Variants in BPTF observed in about 807,000 individuals in gnomAD.
The protein encoded by BPTF is bromodomain PHD finger transcription factor, also known as nucleosome-remodeling factor subunit BPTF.
Under a neutral mutation model 292.5 loss-of-function variants are expected in BPTF, and 18 were observed. The observed-to-expected ratio is 0.06, with a 90% CI of 0.04 to 0.09. The LOEUF is 0.09. Among genes scored for constraint, BPTF ranks in the 10% least tolerant of loss-of-function variants. The pLI, the probability that BPTF is intolerant of heterozygous loss-of-function variation, is 1.00. For synonymous variants in BPTF, 1,225 were observed against 1,251.9 expected, an observed-to-expected ratio of 0.98 and a Z score of 0.45; for missense variants, 2,726 against 3,498.7, an observed-to-expected ratio of 0.78 and a Z score of 5.57.
At chr17:67,848,683 TC>T (rs1468151081) in intron 1 of BPTF, among the ~76,000 whole-genome samples, 1 of 152,204 alleles carries the variant, frequency 6.6e-6, no homozygotes, top group East Asian at 1.9e-4. Context: ...GACCAGTTCA[TC>T]CGAACAGTTC....
chr17:67,899,486 A>G (rs2061672879), intron 7 of BPTF, among the ~76,000 whole-genome samples: 1 of 151,332 alleles, frequency 6.6e-6, no homozygotes, highest in Non-Finnish European at 1.5e-5. Flanking sequence ...GATAGTAACA[A>G]TACTGCTCTA....
In BPTF at chr17:67,948,125, T is replaced by C; in HGVS notation, c.7745T>C (p.Ile2582Thr). The C allele has an allele frequency of 6.2e-7, 1 of 1,614,112 alleles. No individual in the cohort carries two copies. The highest frequency in any genetic ancestry group is 1.7e-5 in the Admixed American group (1 of 60,010). Reference sequence around the variant, plus strand: ...GTGATGAAGTATATTTTGGATAAGATAGATAAAGAAGAAAAACAGGCAGCA... The same window carrying C: ...GTGATGAAGTATATTTTGGATAAGACAGATAAAGAAGAAAAACAGGCAGCA... The part of the protein sequence containing the change: ...NQVMKYILDK[I>T]DKEEKQAAKK... The change falls in exon 23 of 28, where the codon ATA becomes ACA. Residue 2582 changes from isoleucine (I) to threonine (T), a missense_variant. Ile to Thr is a moderately conservative substitution (Grantham distance 89). This residue lies in a region of BPTF where 26 missense variants were observed against 60.6 expected (regional missense o/e 0.43). Coordinates refer to ENST00000306378, the MANE Select transcript of BPTF (RefSeq NM_182641.4).
In BPTF at chr17:67,959,417, ACT is replaced by A. The variant is rs1304497995; in HGVS notation, c.7927-120_7927-119del. On this transcript the variant is annotated intron_variant, in intron 23 of 27. Transcript: ENST00000306378. ...AAACTCTTGTTTGCAACTAACTAAA[ACT>A]CTCACGTTAGGCTGAACTGTGGAGC... is the stretch of plus-strand genomic sequence containing the variant. 121 of 693,332 alleles carry A rather than the reference ACT, an allele frequency of 1.7e-4. 1 individual carries two copies. Among genetic ancestry groups the A allele is most frequent in the Non-Finnish European group, 2.5e-4 (114 of 453,200 alleles). The allele number at this position is 693,332 out of a possible 1,614,324, so 42.9% of individuals were successfully genotyped here.
intron 23 of BPTF, chr17:67,956,595 G>C (rs1555681150): frequency 6.6e-6 from 1 of 151,244 alleles, no homozygotes; most frequent in African/African-American, 2.4e-5. Context: ...TGGGATTACA[G>C]GTGTGAGCCA....
rs181263253 is a variant in BPTF, at chr17:67,852,754, G to A, written c.614-1186G>A. Among the ~76,000 whole-genome samples the A allele has an allele frequency of 7.9e-5, 12 of 152,328 alleles. No homozygotes were observed. In the East Asian group the frequency reaches 2.3e-3, roughly 29 times the overall value. Reference sequence around the variant, plus strand: ...ACTACAGGATAAGTTCCAGGAGGTGGAATTACAGGGTCAAAGGGACATACA... The same window carrying A: ...ACTACAGGATAAGTTCCAGGAGGTGAAATTACAGGGTCAAAGGGACATACA... On this transcript the variant is annotated intron_variant, in intron 1 of 27. Coordinates refer to ENST00000306378, the MANE Select transcript of BPTF (RefSeq NM_182641.4).
rs1010423532 is a variant in BPTF, at chr17:67,874,818, A to G, written c.1662A>G (p.Glu554=). ...TTTTGTTTGTTTTACACATTATAGA[A>G]GAAATTTTGGAATCCATAAGAGCCA... The part of the protein sequence containing the change: ...SNKSFLAAAN[E]EILESIRAKK... The change falls in exon 4 of 28, where the codon GAA becomes GAG. Residue 554 remains glutamate, a splice_region_variant and synonymous_variant. Transcript: ENST00000306378. 2 of 1,603,178 alleles carry G rather than the reference A, an allele frequency of 1.2e-6. No individual in the cohort carries two copies. Among genetic ancestry groups the G allele is most frequent in the African/African-American group, 2.7e-5 (2 of 74,050 alleles).
intron 1 of BPTF, among the ~76,000 whole-genome samples, chr17:67,847,163 A>G (rs1001647771): frequency 1.3e-5 from 2 of 152,214 alleles, no homozygotes; most frequent in African/African-American, 4.8e-5. Context: ...TGATCTGAGG[A>G]TAAAAATAAG....
Position 67,873,468 on chromosome 17 carries a change from A to G in BPTF, c.1661-1349A>G, listed in dbSNP as rs540082642. Among the ~76,000 whole-genome samples the G allele has an allele frequency of 7.2e-5, 11 of 152,196 alleles. 1 individual carries two copies. Among genetic ancestry groups the G allele is most frequent in the Admixed American group, 3.3e-4 (5 of 15,270 alleles). On this transcript the variant is annotated intron_variant, in intron 3 of 27. Transcript: ENST00000306378. ...AGCAAAACTCCATCTCAAAAAAAAA[A>G]AAAAAGAAAAAGAAAAACCGTGTTT...
chr17:67,833,567 ATTTC>A (rs1430246031), intron 1 of BPTF, among the ~76,000 whole-genome samples: 2 of 149,966 alleles, frequency 1.3e-5, no homozygotes, highest in African/African-American at 4.9e-5. Context: ...TTCAGTTTTA[ATTTC>A]TTTCTTTTTT....
intron 1 of BPTF, among the ~76,000 whole-genome samples, chr17:67,836,148 G>T (rs2057114697): frequency 6.6e-6 from 1 of 152,142 alleles, no homozygotes; most frequent in South Asian, 2.1e-4. Context: ...GTGTGTCTGG[G>T]TTCTCCTGTA....
At chr17:67,962,129 C>T (rs1189486009) in intron 24 of BPTF, among the ~76,000 whole-genome samples, 8 of 94,432 alleles carry the variant, frequency 8.5e-5, no homozygotes, top group Non-Finnish European at 1.7e-4. Context: ...GGCTATACAG[C>T]GAGACAAAAG....
At chr17:67,953,575 A>ATTT (rs61682820) in intron 23 of BPTF, among the ~76,000 whole-genome samples, 8 of 133,966 alleles carry the variant, frequency 6.0e-5, no homozygotes, top group African/African-American at 1.1e-4. Context: ...TTGTTCTATA[A>ATTT]TTTTTTTTTT....
chr17:67,841,396 C>T (rs972029136), intron 1 of BPTF, among the ~76,000 whole-genome samples: 11 of 151,762 alleles, frequency 7.2e-5, no homozygotes, highest in African/African-American at 2.2e-4. Context: ...GCAACAAGAG[C>T]GAAAATCTGT....
intron 4 of BPTF, among the ~76,000 whole-genome samples, chr17:67,884,042 A>AT (rs2060589155): frequency 6.6e-6 from 1 of 152,124 alleles, no homozygotes; most frequent in Non-Finnish European, 1.5e-5. Flanking sequence ...ATGTGTGAAC[A>AT]TAGTGATTAT....
chr17:67,871,051 G>A (rs1471622995), intron 3 of BPTF, among the ~76,000 whole-genome samples: 4 of 151,950 alleles, frequency 2.6e-5, no homozygotes, highest in African/African-American at 4.8e-5. Context: ...GATTACAGGC[G>A]TGAGCCACCG....
intron 18 of BPTF, among the ~76,000 whole-genome samples, chr17:67,935,344 A>G (rs116631790): frequency 0.017 from 2,610 of 152,088 alleles, 64 homozygotes; most frequent in African/African-American, 0.055. Flanking sequence ...GGAGGATCAC[A>G]TGGGCCCAAG....
At chr17:67,913,234 G>T (rs537730340) in intron 11 of BPTF, 47 bp downstream of exon 11, 4 of 1,505,444 alleles carry the variant, frequency 2.7e-6, no homozygotes, top group African/African-American at 1.4e-5. Flanking sequence ...ATTTTAAAAA[G>T]AATTATCTCA....
intron 11 of BPTF, among the ~76,000 whole-genome samples, chr17:67,918,456 T>C: frequency 6.6e-6 from 1 of 152,220 alleles, no homozygotes; most frequent in Admixed American, 6.5e-5. Flanking sequence ...ACATTCTCAT[T>C]TTATAAACTT....
At chr17:67,919,489 G>A (rs1003475133) in intron 12 of BPTF, among the ~76,000 whole-genome samples, 1 of 152,112 alleles carries the variant, frequency 6.6e-6, no homozygotes, top group Non-Finnish European at 1.5e-5. Flanking sequence ...TGCAGTGACT[G>A]TGGTCCACTA....
Sources: allele counts gnomAD v4.1 joint callset (sites outside exome capture counted in the v4.1 genomes callset), GRCh38; gene constraint gnomAD v4.1.1; regional missense constraint gnomAD v4.1.1; transcripts MANE v1.5; gene names NCBI Gene and HGNC (gene_info 2026-07-23, HGNC 2026-07-21).